TECPR2: variants seen among roughly 807,000 people sequenced by gnomAD.
TECPR2 encodes tectonin beta-propeller repeat-containing protein 2.
A neutral mutation model predicts 138.1 loss-of-function variants in TECPR2; 65 were observed. That is an observed-to-expected ratio of 0.47 (90% CI 0.39 to 0.58). The LOEUF is 0.58. Ranked by LOEUF, TECPR2 falls within the 20% of genes least tolerant of loss-of-function variation. TECPR2 has a pLI of 0.00. For missense variants in TECPR2, 1,553 were observed against 1,824.5 expected (o/e 0.85, Z 2.71); for synonymous variants, 746 against 749.8 (o/e 0.99, Z 0.08).
At chr14:102,439,188 G>A (rs1370440764) in intron 10 of TECPR2, among the ~76,000 whole-genome samples, 1 of 152,000 alleles carries the variant, frequency 6.6e-6, no homozygotes, top group East Asian at 1.9e-4. Context: ...TTAAGGTTGT[G>A]TTGGCCACGT....
chr14:102,488,047 T>C (rs1475788118), intron 17 of TECPR2, among the ~76,000 whole-genome samples: 1 of 151,018 alleles, frequency 6.6e-6, no homozygotes, highest in East Asian at 2.0e-4. Context: ...TTTCTCCATA[T>C]TGGTCAGGCT....
chr14:102,457,991 A>C (rs1890315545), intron 16 of TECPR2, among the ~76,000 whole-genome samples: 1 of 148,332 alleles, frequency 6.7e-6, no homozygotes, highest in Admixed American at 7.0e-5. Flanking sequence ...CTCCTGCCTC[A>C]GTCTCCCAAG....
chr14:102,438,704 A>G (rs1889747422), intron 10 of TECPR2, among the ~76,000 whole-genome samples: 1 of 151,810 alleles, frequency 6.6e-6, no homozygotes, highest in African/African-American at 2.4e-5. Context: ...TGAACAGTCT[A>G]CTCCCTGACT....
In TECPR2 at chr14:102,425,155, C is replaced by T. The variant is rs756747141; in HGVS notation, c.815C>T (p.Pro272Leu). 109 of 1,614,010 alleles carry T rather than the reference C, an allele frequency of 6.8e-5. No individual in the cohort carries two copies. The highest frequency in any genetic ancestry group is 3.3e-4 in the Middle Eastern group (2 of 6,084). Residue 272 changes from proline (P) to leucine (L), a missense_variant, in exon 6 of 20, where the codon CCG becomes CTG. Physicochemically the swap from Pro to Leu is moderately conservative, Grantham distance 98. Transcript: ENST00000359520. ...GGAGTCAAGCCTTTTGAACTGCACCCGCGTCTGGAATCCCCCAACAGTGGA... is the reference window on the plus strand; with the variant it reads ...GGAGTCAAGCCTTTTGAACTGCACCTGCGTCTGGAATCCCCCAACAGTGGA... Reference protein sequence around the residue: ...AGGVKPFELHPRLESPNSGSC... With the variant: ...AGGVKPFELHLRLESPNSGSC...
intron 5 of TECPR2, among the ~76,000 whole-genome samples, chr14:102,424,533 C>T (rs1199592042): frequency 1.3e-5 from 2 of 152,238 alleles, no homozygotes; most frequent in African/African-American, 4.8e-5. Context: ...CATGGTTTCA[C>T]CATGTTGGCC....
intron 2 of TECPR2, among the ~76,000 whole-genome samples, chr14:102,397,539 G>GC (rs1385793323): frequency 6.6e-6 from 1 of 152,204 alleles, no homozygotes; most frequent in Non-Finnish European, 1.5e-5. Flanking sequence ...TTGAGGTCAG[G>GC]AGTTTGAGAC....
chr14:102,406,358 C>T (rs1888659575), intron 2 of TECPR2, among the ~76,000 whole-genome samples: 1 of 151,440 alleles, frequency 6.6e-6, no homozygotes, highest in African/African-American at 2.4e-5. Context: ...ACCATCCTGC[C>T]TAACACGGTG....
At chr14:102,386,263 A>C (rs1887999929) in intron 2 of TECPR2, among the ~76,000 whole-genome samples, 1 of 152,004 alleles carries the variant, frequency 6.6e-6, no homozygotes, top group Admixed American at 6.6e-5. Context: ...TGAGCTCAGG[A>C]GTTTGAGAGC....
In TECPR2 at chr14:102,431,796, T is replaced by C. The variant is rs1449499906; in HGVS notation, c.1085T>C (p.Val362Ala). The C allele has an allele frequency of 6.5e-7, 1 of 1,546,860 alleles. No individual in the cohort carries two copies. The change falls in exon 8 of 20, where the codon GTG becomes GCG. Residue 362 changes from valine to alanine, a missense_variant and splice_region_variant. Val to Ala is a moderately conservative substitution (Grantham distance 64, BLOSUM62 0). Coordinates refer to ENST00000359520, the MANE Select transcript of TECPR2 (RefSeq NM_014844.5). ...GTAAAACCAGACTCTTCTTTCTTAG[T>C]GAGAGATGGTCTGGAGATGTCTGGA... ...SSRPEGLTST[V>A]RDGLEMSGCS...
intron 6 of TECPR2, among the ~76,000 whole-genome samples, chr14:102,427,759 G>C (rs1167248284): frequency 6.6e-6 from 1 of 152,210 alleles, no homozygotes; most frequent in Non-Finnish European, 1.5e-5. Flanking sequence ...GCCCAGGAGT[G>C]GGGCGTCAAG....
At chr14:102,454,900 C>T (rs1248459931) in intron 16 of TECPR2, among the ~76,000 whole-genome samples, 2 of 152,216 alleles carry the variant, frequency 1.3e-5, no homozygotes, top group Non-Finnish European at 2.9e-5. Context: ...GGGCATCATG[C>T]CAGGTTCTGC....
chr14:102,424,895 C>T, intron 5 of TECPR2, 84 bp from the exon 6 acceptor site: 1 of 1,353,584 alleles, frequency 7.4e-7, no homozygotes, highest in South Asian at 1.4e-5. Context: ...TCTTGTTGTA[C>T]TTAATATTAA....
chr14:102,470,164 T>A (rs11621647), intron 17 of TECPR2, among the ~76,000 whole-genome samples: 33,253 of 152,128 alleles, frequency 0.22, 4,304 homozygotes, highest in Middle Eastern at 0.31. Context: ...TTTTGAAAGA[T>A]TGGTTTTATT....
At chr14:102,478,955 T>C (rs1009965783) in intron 17 of TECPR2, among the ~76,000 whole-genome samples, 2 of 148,592 alleles carry the variant, frequency 1.3e-5, no homozygotes, top group Non-Finnish European at 3.0e-5. Context: ...AGGCGGAGGT[T>C]GCAGTGGGCT....
intron 5 of TECPR2, among the ~76,000 whole-genome samples, chr14:102,418,935 A>T (rs1474393956): frequency 1.3e-5 from 2 of 152,088 alleles, no homozygotes; most frequent in Non-Finnish European, 2.9e-5. Flanking sequence ...GACGCAGAGA[A>T]TCCTGGAGGC....
In TECPR2 at chr14:102,449,656, G is replaced by T; in HGVS notation, c.3103G>T (p.Asp1035Tyr). 6.2e-7 allele frequency: 1 copy of T among 1,614,162 alleles called. No homozygotes were observed. Among genetic ancestry groups the T allele is most frequent in the South Asian group, 1.1e-5 (1 of 91,030 alleles). Residue 1035 changes from aspartate (D) to tyrosine (Y), a missense_variant, in exon 14 of 20, where the codon GAC (aspartate) becomes TAC (tyrosine). By Grantham distance (160) the Asp-to-Tyr change is radical. Transcript: ENST00000359520. ...GAGCATCACGGACTATGTGGTGTTT[G>T]ACCAGTGCAGCTTATTTCAGACGAT... is the stretch of plus-strand genomic sequence containing the variant. ...QVSITDYVVF[D>Y]QCSLFQTIIH...
At chr14:102,449,980 G>C (rs909704429) in intron 14 of TECPR2, 111 bp downstream of exon 14, 7 of 1,480,422 alleles carry the variant, frequency 4.7e-6, no homozygotes, top group Non-Finnish European at 2.7e-6. Flanking sequence ...TTTAGTGCCA[G>C]TGGTATGAAG....
chr14:102,494,717 G>A lies in TECPR2; in HGVS notation c.3790-2262G>A, dbSNP rs554002470. The stretch of plus-strand genomic sequence containing the variant: ...TGCATGCCTGTAATCTCAGCTACTC[G>A]GGAGGCTGAGGCAGGAGAATTGCTT... On this transcript the variant is annotated intron_variant, in intron 17 of 19. Transcript: ENST00000359520. 2.5e-3 allele frequency among the ~76,000 whole-genome samples: 375 copies of A among 152,028 alleles called. 8 individuals carry two copies. The highest frequency in any genetic ancestry group is 4.3e-4 in the Non-Finnish European group (29 of 67,952).
At chr14:102,370,478 G>A (rs1462250293) in intron 1 of TECPR2, among the ~76,000 whole-genome samples, 1 of 152,174 alleles carries the variant, frequency 6.6e-6, no homozygotes, top group Non-Finnish European at 1.5e-5. Context: ...AAGCAGATAC[G>A]AAAGTGCCTG....
Sources: allele counts gnomAD v4.1 joint callset (sites outside exome capture counted in the v4.1 genomes callset), GRCh38; gene constraint gnomAD v4.1.1; transcripts MANE v1.5; gene names NCBI Gene and HGNC (gene_info 2026-07-23, HGNC 2026-07-21).